KIAA1614: variants seen among roughly 807,000 people sequenced by gnomAD.
KIAA1614 encodes the protein uncharacterized protein KIAA1614.
A neutral mutation model predicts 88.7 loss-of-function variants in KIAA1614; 76 were observed. The ratio of observed to expected loss-of-function variants is 0.86; its 90% CI spans 0.71 to 1.04. The LOEUF (loss-of-function observed/expected upper bound fraction) is 1.04. KIAA1614 is among the 50% of genes least tolerant of loss of function. The pLI is 0.00. For missense variants in KIAA1614, 1,553 were observed against 1,582.5 expected, an observed-to-expected ratio of 0.98 and a Z score of 0.32; for synonymous variants, 714 against 675.5, an observed-to-expected ratio of 1.06 and a Z score of -0.88.
Position 180,936,376 on chromosome 1 carries a change from A to C in KIAA1614, c.2467A>C (p.Arg823=). 1 of 1,614,194 alleles carries C rather than the reference A, an allele frequency of 6.2e-7. No individual in the cohort carries two copies. The change falls in exon 5 of 9, where the codon AGG becomes CGG. Residue 823 remains arginine (R), a synonymous_variant. Coordinates refer to ENST00000367588, the MANE Select transcript of KIAA1614 (RefSeq NM_020950.2). ...GAAAACCACCTCGCCAGTGTCTCAC[A>C]GGAAGGCAGCCCTGGCTGGACTGCT... ...SRKTTSPVSH[R]KAALAGLLRL...
At chr1:180,933,436 G>A (rs565683661) in intron 4 of KIAA1614, among the ~76,000 whole-genome samples, 58 of 152,328 alleles carry the variant, frequency 3.8e-4, no homozygotes, top group Admixed American at 1.2e-3. Flanking sequence ...CTGGATAAGA[G>A]GCCACTGCAG....
chr1:180,923,487 C>T (rs550843266), intron 3 of KIAA1614, among the ~76,000 whole-genome samples: 29 of 152,316 alleles, frequency 1.9e-4, no homozygotes, highest in Non-Finnish European at 2.6e-4. Context: ...AGCTCCCCTG[C>T]GAGCTGGCCA....
chr1:180,944,548 A>C, intron 8 of KIAA1614, 32 bp downstream of exon 8: 3 of 1,604,800 alleles, frequency 1.9e-6, no homozygotes, highest in Non-Finnish European at 2.6e-6. Flanking sequence ...TGGAGGATAA[A>C]CTCAGAGAGT....
At position 180,938,720 on chromosome 1, in the gene KIAA1614, C is replaced by T. The variant is rs1426573864; in HGVS notation, c.2918+9C>T. The T allele has an allele frequency of 2.5e-6, 4 of 1,612,600 alleles. No individual in the cohort carries two copies. Among genetic ancestry groups the T allele is most frequent in the Non-Finnish European group, 2.5e-6 (3 of 1,179,178 alleles). ...GGACATGTGCTGTCAAGGTGAGTGA[C>T]AGGAGAAAGAGCCAGATTGCAGAAG... On this transcript the variant is annotated intron_variant, in intron 6 of 8. Transcript: ENST00000367588.
chr1:180,938,746 G>A (rs745742082), intron 6 of KIAA1614, 35 bp downstream of exon 6: 24 of 1,607,748 alleles, frequency 1.5e-5, no homozygotes, highest in Non-Finnish European at 6.0e-6. Context: ...ATTGCAGAAG[G>A]AGGTGGGAAT....
intron 6 of KIAA1614, 41 bp from the exon 7 acceptor site, chr1:180,941,004 C>CT: frequency 5.5e-6 from 5 of 915,350 alleles, no homozygotes; most frequent in South Asian, 2.0e-5. Flanking sequence ...GCCACCCTCC[C>CT]GGCCCTCCCC....
At chr1:180,926,916 C>T (rs1654082584) in intron 3 of KIAA1614, among the ~76,000 whole-genome samples, 1 of 152,240 alleles carries the variant, frequency 6.6e-6, no homozygotes, top group African/African-American at 2.4e-5. Flanking sequence ...GTAAAGCCCT[C>T]CTTGTTCCAA....
chr1:180,944,637 C>G lies in KIAA1614; in HGVS notation c.3287+121C>G, dbSNP rs560476033. 1.2e-5 allele frequency: 14 copies of G among 1,151,358 alleles called. No homozygotes were observed. The South Asian group carries it at 2.1e-4, about 18-fold the overall frequency. 71.3% of individuals were successfully genotyped at this position (1,151,358 alleles called of 1,614,324 possible). A position where few individuals can be genotyped will look rare whatever the true frequency, so the allele number is the denominator to read the frequency against. ...GCAGGGTCCTTTGAAGGGAAAGCAA[C>G]AGGACATGTGATGTGTGGAGACGAG... On this transcript the variant is annotated intron_variant, in intron 8 of 8. Transcript: ENST00000367588.
At chr1:180,938,812 T>C in intron 6 of KIAA1614, 101 bp downstream of exon 6, 1 of 1,080,018 alleles carries the variant, frequency 9.3e-7, no homozygotes, top group Non-Finnish European at 1.3e-6. Context: ...CCCACCTCCC[T>C]GCCCCTAGTC....
chr1:180,931,334 C>T (rs1654193645), intron 4 of KIAA1614, among the ~76,000 whole-genome samples: 1 of 152,158 alleles, frequency 6.6e-6, no homozygotes, highest in Non-Finnish European at 1.5e-5. Context: ...AGCTTGTGTA[C>T]ATCACATTGA....
chr1:180,941,747 C>T (rs928866172), intron 7 of KIAA1614, among the ~76,000 whole-genome samples: 1 of 152,234 alleles, frequency 6.6e-6, no homozygotes, highest in African/African-American at 2.4e-5. Context: ...CACGCCACCC[C>T]CTCGCCGAAC....
At chr1:180,944,752 G>A in intron 8 of KIAA1614, 1 of 386,282 alleles carries the variant, frequency 2.6e-6, no homozygotes. Flanking sequence ...GGAGGGGGTA[G>A]AGTTGGCCGG....
At chr1:180,917,486 C>T (rs1024759936) in intron 2 of KIAA1614, among the ~76,000 whole-genome samples, 4 of 151,972 alleles carry the variant, frequency 2.6e-5, no homozygotes, top group African/African-American at 9.7e-5. Flanking sequence ...GACAGGAATC[C>T]CTTCCTAAAA....
Position 180,944,708 on chromosome 1 carries a change from G to A in KIAA1614, c.3287+192G>A, listed in dbSNP as rs187277864. Reference sequence around the variant, plus strand: ...ACCTCAGTGCCCTGCATGGACCCTCGGTGCATTGGGCTCTGAGAAGGCCTG... The same window carrying A: ...ACCTCAGTGCCCTGCATGGACCCTCAGTGCATTGGGCTCTGAGAAGGCCTG... On this transcript the variant is annotated intron_variant, in intron 8 of 8. Transcript: ENST00000367588. 1.2e-4 allele frequency: 62 copies of A among 525,574 alleles called. 1 individual carries two copies. In the South Asian group the frequency reaches 1.5e-3, roughly 13 times the overall value. 32.6% of individuals were successfully genotyped at this position (525,574 alleles called of 1,614,324 possible). A position where few individuals can be genotyped will look rare whatever the true frequency, so the allele number is the denominator to read the frequency against.
intron 4 of KIAA1614, 30 bp downstream of exon 4, chr1:180,928,603 G>A: frequency 6.2e-7 from 1 of 1,603,320 alleles, no homozygotes; most frequent in Non-Finnish European, 8.5e-7. Flanking sequence ...GGCTAGCCTG[G>A]GAGGGCCATA....
At chr1:180,920,724 G>GC (rs1653935463) in intron 3 of KIAA1614, among the ~76,000 whole-genome samples, 1 of 151,738 alleles carries the variant, frequency 6.6e-6, no homozygotes, top group African/African-American at 2.4e-5. Flanking sequence ...GGCTGGGGGC[G>GC]GGCTGGGGCT....
At chr1:180,938,270 C>A (rs546117271) in intron 5 of KIAA1614, among the ~76,000 whole-genome samples, 1 of 152,292 alleles carries the variant, frequency 6.6e-6, no homozygotes, top group South Asian at 2.1e-4. Flanking sequence ...TACTGTGGAC[C>A]AGGTGCTGTG....
At chr1:180,932,940 C>T (rs562064702) in intron 4 of KIAA1614, among the ~76,000 whole-genome samples, 4 of 152,248 alleles carry the variant, frequency 2.6e-5, no homozygotes, top group East Asian at 3.9e-4. Flanking sequence ...AGGGTTTCAT[C>T]GTGTTGCCCA....
At chr1:180,942,407 T>A (rs1159574572) in intron 7 of KIAA1614, among the ~76,000 whole-genome samples, 1 of 152,220 alleles carries the variant, frequency 6.6e-6, no homozygotes, top group African/African-American at 2.4e-5. Flanking sequence ...CCCGCTCTCC[T>A]AGGCAGAGTG....
Sources: gnomAD v4.1 joint callset for allele counts (sites outside exome capture counted in the v4.1 genomes callset) on GRCh38, gnomAD v4.1.1 for gene constraint, MANE v1.5 for transcripts, NCBI Gene and HGNC (gene_info 2026-07-23, HGNC 2026-07-21) for gene names.